ECT2L: variants seen among roughly 807,000 people sequenced by gnomAD.
ECT2L encodes epithelial cell transforming 2 like.
Under a neutral mutation model 122.8 loss-of-function variants are expected in ECT2L, and 126 were observed. The ratio of observed to expected loss-of-function variants is 1.03; its 90% confidence interval spans 0.89 to 1.19. ECT2L has a LOEUF of 1.19. Among genes scored for constraint, ECT2L ranks in the 50% most tolerant of loss-of-function variants. The pLI, the probability that ECT2L is intolerant of heterozygous loss-of-function variation, is 0.00. For synonymous variants in ECT2L, 385 were observed against 381.8 expected (o/e 1.01, Z -0.10); for missense variants, 1,012 against 1,064.1 (o/e 0.95, Z 0.68).
rs762368842 is a variant in ECT2L at position 138,844,526 on chromosome 6, A to G, written c.710A>G (p.His237Arg). 7 of 1,614,092 alleles carry G rather than the reference A, an allele frequency of 4.3e-6. No individual in the cohort carries two copies. Among genetic ancestry groups the G allele is most frequent in the Non-Finnish European group, 5.9e-6 (7 of 1,180,038 alleles). ...ACTGTAAGGGAGCGAGTGGGATTAC[A>G]TGAAGCTTTGGAGAAACAGCTTGTT... ...SQTVRERVGL[H>R]EALEKQLVLT... Residue 237 changes from histidine (H) to arginine (R), a missense_variant, in exon 7 of 22, where the codon CAT becomes CGT. His to Arg is a conservative substitution (Grantham distance 29). Coordinates refer to ENST00000541398, the MANE Select transcript of ECT2L (RefSeq NM_001077706.3).
At chr6:138,897,081 A>AG (rs1779241896) in intron 20 of ECT2L, among the ~76,000 whole-genome samples, 1 of 152,246 alleles carries the variant, frequency 6.6e-6, no homozygotes, top group South Asian at 2.1e-4. Context: ...AAGAATGTAC[A>AG]TTATAGTAGC....
chr6:138,902,251 A>C (rs1415573714), intron 21 of ECT2L, among the ~76,000 whole-genome samples: 2 of 152,246 alleles, frequency 1.3e-5, no homozygotes, highest in Non-Finnish European at 2.9e-5. Flanking sequence ...GGAATTAAAA[A>C]ACATCACATC....
At chr6:138,898,746 GAAC>G (rs1373081091) in intron 20 of ECT2L, among the ~76,000 whole-genome samples, 2 of 152,088 alleles carry the variant, frequency 1.3e-5, no homozygotes, top group Admixed American at 6.5e-5. Context: ...CTTTTATGAA[GAAC>G]AACCTGGAGG....
Position 138,885,759 on chromosome 6 carries a change from G to C in ECT2L, c.2188G>C (p.Glu730Gln), listed in dbSNP as rs373179156. 3.5e-5 allele frequency: 57 copies of C among 1,614,070 alleles called. No individual in the cohort carries two copies. The highest frequency in any genetic ancestry group is 4.7e-5 in the Non-Finnish European group (55 of 1,180,048). ...CGCTGTCAGGCTTCATACCCCTGCA[G>C]AGCATGTTGACCGTGGGGACTTGAC... Reference protein sequence around the residue: ...LYAVRLHTPAEHVDRGDLTTA... With the variant: ...LYAVRLHTPAQHVDRGDLTTA... Residue 730 changes from glutamate (E) to glutamine (Q), a missense_variant, in exon 18 of 22, where the codon GAG becomes CAG. Transcript: ENST00000541398.
intron 19 of ECT2L, among the ~76,000 whole-genome samples, chr6:138,887,393 ATT>A (rs1778865932): frequency 6.6e-6 from 1 of 151,116 alleles, no homozygotes; most frequent in South Asian, 2.1e-4. Flanking sequence ...CGCCCAGCTA[ATT>A]TTTTGTATTT....
At chr6:138,847,113 GA>G (rs1176567474) in intron 8 of ECT2L, among the ~76,000 whole-genome samples, 2 of 150,364 alleles carry the variant, frequency 1.3e-5, no homozygotes, top group African/African-American at 4.9e-5. Context: ...ACTAAAAGTA[GA>G]AAAAAAATAG....
intron 13 of ECT2L, among the ~76,000 whole-genome samples, chr6:138,875,701 T>G (rs1778418928): frequency 6.6e-6 from 1 of 152,260 alleles, no homozygotes; most frequent in Non-Finnish European, 1.5e-5. Flanking sequence ...GTGAACTGTT[T>G]ATGACACATT....
chr6:138,867,846 T>TAAA (rs1769907085), intron 12 of ECT2L, among the ~76,000 whole-genome samples: 1 of 150,158 alleles, frequency 6.7e-6, no homozygotes, highest in Non-Finnish European at 1.5e-5. Flanking sequence ...AATAAATAAA[T>TAAA]AAAAGTTAAA....
chr6:138,829,312 C>G (rs968669913), intron 4 of ECT2L, among the ~76,000 whole-genome samples: 11 of 152,158 alleles, frequency 7.2e-5, no homozygotes, highest in Admixed American at 5.9e-4. Flanking sequence ...TAATAGAGCA[C>G]TCTTATAAGT....
intron 1 of ECT2L, among the ~76,000 whole-genome samples, chr6:138,805,562 A>AG (rs1040696003): frequency 6.6e-6 from 1 of 152,026 alleles, no homozygotes; most frequent in African/African-American, 2.4e-5. Context: ...CTTTGTATGT[A>AG]GGGGGCTGGG....
chr6:138,796,427 G>C (rs1036165482), intron 1 of ECT2L, among the ~76,000 whole-genome samples: 1 of 152,150 alleles, frequency 6.6e-6, no homozygotes, highest in Admixed American at 6.5e-5. Flanking sequence ...GTTTGCATCG[G>C]GCCATGCCAA....
At chr6:138,887,099 G>C (rs1267864385) in intron 19 of ECT2L, among the ~76,000 whole-genome samples, 177 bp downstream of exon 19, 3 of 152,196 alleles carry the variant, frequency 2.0e-5, no homozygotes, top group African/African-American at 7.2e-5. Context: ...TGCTCTATAA[G>C]AAGGGGCACA....
At chr6:138,823,017 C>T in intron 4 of ECT2L, 1 of 1,609,512 alleles carries the variant, frequency 6.2e-7, no homozygotes, top group South Asian at 1.1e-5. Context: ...TTTACTCCTT[C>T]TATTCACTCT....
chr6:138,810,045 T>C (rs960334935), intron 1 of ECT2L, among the ~76,000 whole-genome samples: 2 of 152,222 alleles, frequency 1.3e-5, no homozygotes, highest in Non-Finnish European at 2.9e-5. Flanking sequence ...GCTCGTACTT[T>C]ATGCAAAGAG....
intron 13 of ECT2L, chr6:138,870,377 TAAAG>T (rs1484886006): frequency 6.6e-6 from 1 of 152,648 alleles, no homozygotes; most frequent in African/African-American, 2.4e-5. Context: ...GCACATGTGA[TAAAG>T]AAATTCATAA....
At chr6:138,861,142 G>A (rs1376370969) in intron 10 of ECT2L, among the ~76,000 whole-genome samples, 1 of 152,054 alleles carries the variant, frequency 6.6e-6, no homozygotes, top group Non-Finnish European at 1.5e-5. Flanking sequence ...TGGACATTTG[G>A]GTTGGTTCCA....
At chr6:138,880,098 T>C (rs1426421130) in intron 14 of ECT2L, among the ~76,000 whole-genome samples, 4 of 152,196 alleles carry the variant, frequency 2.6e-5, no homozygotes, top group African/African-American at 4.8e-5. Flanking sequence ...TCCTTAATAC[T>C]GAAAGAAGAG....
At chr6:138,889,117 A>G (rs1253918326) in intron 20 of ECT2L, 86 bp downstream of exon 20, 4 of 574,382 alleles carry the variant, frequency 7.0e-6, no homozygotes, top group Middle Eastern at 2.9e-4. Flanking sequence ...AGCATTCAGT[A>G]CAATGTCTGA....
At chr6:138,849,590 T>TTTTGA (rs1345215864) in intron 9 of ECT2L, among the ~76,000 whole-genome samples, 156 bp downstream of exon 9, 1 of 149,050 alleles carries the variant, frequency 6.7e-6, no homozygotes, top group African/African-American at 2.5e-5. Flanking sequence ...TTTTTTTTTT[T>TTTTGA]AATTCAGGGT....
Sources: allele counts gnomAD v4.1 joint callset (sites outside exome capture counted in the v4.1 genomes callset), GRCh38; gene constraint gnomAD v4.1.1; transcripts MANE v1.5; gene names NCBI Gene and HGNC (gene_info 2026-07-23, HGNC 2026-07-21).